The following SGCZ variants were observed in gnomAD, a reference collection of about 807,000 sequenced individuals.
The protein encoded by SGCZ is zeta-sarcoglycan.
A neutral mutation model predicts 41.3 loss-of-function variants in SGCZ; 40 were observed. The observed-to-expected ratio is 0.97, with a 90% CI of 0.75 to 1.26. The LOEUF (loss-of-function observed/expected upper bound fraction) is 1.26. Among genes scored for constraint, SGCZ ranks in the 50% most tolerant of loss-of-function variants. The probability of loss-of-function intolerance (pLI) is 0.00; values close to 1 mark genes in which losing one functional copy is unlikely to be tolerated. For synonymous variants in SGCZ, 206 were observed against 137.5 expected, an observed-to-expected ratio of 1.50 and a Z score of -3.49; for missense variants, 552 against 369.8, an observed-to-expected ratio of 1.49 and a Z score of -4.04.
At chr8:14,342,213 T>C (rs7003122) in intron 2 of SGCZ, among the ~76,000 whole-genome samples, 6,808 of 152,262 alleles carry the variant, frequency 0.045, 505 homozygotes, top group African/African-American at 0.15. Context: ...AGCTGACTCT[T>C]GTTACGTTTT....
chr8:14,884,638 G>C (rs1173140150), intron 1 of SGCZ, among the ~76,000 whole-genome samples: 2 of 152,064 alleles, frequency 1.3e-5, no homozygotes, highest in Middle Eastern at 3.4e-3. Context: ...AAATATGATA[G>C]AGATCTCCTA....
intron 1 of SGCZ, among the ~76,000 whole-genome samples, chr8:14,770,566 A>T (rs13272204): frequency 0.36 from 53,927 of 151,766 alleles, 11,484 homozygotes; most frequent in East Asian, 0.51. Flanking sequence ...TAAATATTAT[A>T]AAGTATACAT....
chr8:14,423,833 A>G (rs1799703320), intron 2 of SGCZ, among the ~76,000 whole-genome samples: 1 of 150,442 alleles, frequency 6.6e-6, no homozygotes, highest in Non-Finnish European at 1.5e-5. Flanking sequence ...TTTCTCTCTC[A>G]TTTTTCCCCC....
intron 1 of SGCZ, among the ~76,000 whole-genome samples, chr8:14,979,108 A>G (rs1182574672): frequency 5.9e-5 from 9 of 152,152 alleles, no homozygotes; most frequent in African/African-American, 9.7e-5. Flanking sequence ...CAAGTTTACT[A>G]TTTTCTTACA....
chr8:14,902,997 T>C (rs1799016170), intron 1 of SGCZ, among the ~76,000 whole-genome samples: 1 of 152,174 alleles, frequency 6.6e-6, no homozygotes, highest in Non-Finnish European at 1.5e-5. Context: ...GTTTAAAGTA[T>C]CATCCCTCTT....
intron 1 of SGCZ, among the ~76,000 whole-genome samples, chr8:14,746,165 A>G (rs1042187277): frequency 3.3e-5 from 5 of 152,226 alleles, no homozygotes; most frequent in Admixed American, 3.3e-4. Context: ...AATAGATATT[A>G]AATATAACAA....
At chr8:14,308,550 C>T (rs532933400) in intron 3 of SGCZ, among the ~76,000 whole-genome samples, 1 of 151,820 alleles carries the variant, frequency 6.6e-6, no homozygotes, top group East Asian at 1.9e-4. Context: ...ACCCCCTTGC[C>T]CCTGGCCTTT....
In SGCZ at chr8:14,261,426, T is replaced by A. The variant is rs542465094; in HGVS notation, c.337-23747A>T. On this transcript the variant is annotated intron_variant, in intron 3 of 7. Coordinates refer to ENST00000382080, the MANE Select transcript of SGCZ (RefSeq NM_139167.4). Reference sequence around the variant, plus strand: ...TTGTTGTTAAAGAATTACCGTAGTGTAAATATTTCCTTGCAGGTCGAGGTA... The same window carrying A: ...TTGTTGTTAAAGAATTACCGTAGTGAAAATATTTCCTTGCAGGTCGAGGTA... 2.0e-5 allele frequency among the ~76,000 whole-genome samples: 3 copies of A among 152,328 alleles called. No individual in the cohort carries two copies. The South Asian group carries it at 6.2e-4, about 32-fold the overall frequency.
intron 1 of SGCZ, among the ~76,000 whole-genome samples, chr8:14,762,755 G>A (rs1799929869): frequency 6.6e-6 from 1 of 152,136 alleles, no homozygotes; most frequent in African/African-American, 2.4e-5. Flanking sequence ...AGTTCACGTT[G>A]ATCTTTTTAT....
intron 1 of SGCZ, among the ~76,000 whole-genome samples, chr8:15,056,534 G>A (rs1339829020): frequency 6.9e-6 from 1 of 145,266 alleles, no homozygotes; most frequent in East Asian, 2.0e-4. Flanking sequence ...TTGCCTTAAT[G>A]TAGGTGAGCA....
chr8:14,901,036 C>T (rs958180345), intron 1 of SGCZ, among the ~76,000 whole-genome samples: 2 of 152,126 alleles, frequency 1.3e-5, no homozygotes, highest in African/African-American at 4.8e-5. Context: ...ATTCTAATAA[C>T]ATATCATTTC....
In SGCZ at chr8:14,563,607, C is replaced by A. The variant is rs370792188; in HGVS notation, c.40-8681G>T. ...GTGCCACAGGTTTGCTTCTTTATAA[C>A]CCTGTAAGTGTAGGGATCTGAAAAA... On this transcript the variant is annotated intron_variant, in intron 1 of 7. Coordinates refer to ENST00000382080, the MANE Select transcript of SGCZ (RefSeq NM_139167.4). 1.6e-4 allele frequency among the ~76,000 whole-genome samples: 24 copies of A among 152,238 alleles called. No individual in the cohort carries two copies. In the South Asian group the frequency reaches 5.0e-3, roughly 32 times the overall value.
intron 1 of SGCZ, among the ~76,000 whole-genome samples, chr8:15,030,288 G>A (rs1248898293): frequency 6.6e-6 from 1 of 152,086 alleles, no homozygotes; most frequent in Non-Finnish European, 1.5e-5. Context: ...TGATTTAATT[G>A]CCATCTTCAG....
At chr8:14,642,131 G>A (rs1452246193) in intron 1 of SGCZ, among the ~76,000 whole-genome samples, 1 of 151,650 alleles carries the variant, frequency 6.6e-6, no homozygotes, top group Non-Finnish European at 1.5e-5. Context: ...CAGCCATACA[G>A]GCCAGTTAAA....
chr8:14,540,813 T>C (rs1304666091), intron 2 of SGCZ, among the ~76,000 whole-genome samples: 1 of 151,866 alleles, frequency 6.6e-6, no homozygotes, highest in Non-Finnish European at 1.5e-5. Flanking sequence ...ATTCTTCTCT[T>C]GTAAAATAAA....
intron 1 of SGCZ, among the ~76,000 whole-genome samples, chr8:14,904,139 T>C (rs747575185): frequency 6.6e-6 from 1 of 152,068 alleles, no homozygotes; most frequent in African/African-American, 2.4e-5. Flanking sequence ...AATATGTTTA[T>C]CTTAAAATAT....
chr8:14,642,173 G>A (rs1428833065), intron 1 of SGCZ, among the ~76,000 whole-genome samples: 1 of 151,628 alleles, frequency 6.6e-6, no homozygotes, highest in Admixed American at 6.6e-5. Flanking sequence ...GACAACTAAC[G>A]TGAATATTTC....
chr8:15,230,022 A>C (rs1347764400), intron 1 of SGCZ, among the ~76,000 whole-genome samples: 1 of 152,210 alleles, frequency 6.6e-6, no homozygotes. Flanking sequence ...TATAGATTTA[A>C]AGTTTGCATT....
intron 1 of SGCZ, among the ~76,000 whole-genome samples, chr8:15,022,319 G>C (rs1193089089): frequency 3.3e-5 from 5 of 152,026 alleles, no homozygotes; most frequent in Non-Finnish European, 7.4e-5. Flanking sequence ...TTTCTAAAAT[G>C]AAATGATATC....
Sources: allele counts gnomAD v4.1 joint callset (sites outside exome capture counted in the v4.1 genomes callset), GRCh38; gene constraint gnomAD v4.1.1; transcripts MANE v1.5; gene names NCBI Gene and HGNC (gene_info 2026-07-23, HGNC 2026-07-21).